Variants in SMARCE1 observed in about 807,000 individuals in gnomAD.
SMARCE1 encodes SWI/SNF related BAF chromatin remodeling complex subunit E1.
In SMARCE1, 13 loss-of-function variants were observed where a neutral mutation model predicts 54.9. That is an observed-to-expected ratio of 0.24 (90% CI 0.15 to 0.38). SMARCE1 has a LOEUF of 0.38. Among genes scored for constraint, SMARCE1 ranks in the 10% least tolerant of loss-of-function variants. SMARCE1 has a pLI of 1.00. For synonymous variants in SMARCE1, 151 were observed against 175.3 expected (o/e 0.86, Z 1.10); for missense variants, 295 against 523.8 (o/e 0.56, Z 4.26).
chr17:40,647,462 C>T (rs1484500635), intron 1 of SMARCE1: 1 of 152,700 alleles, frequency 6.5e-6, no homozygotes, highest in African/African-American at 2.4e-5. Flanking sequence ...CCTGCCTTGC[C>T]CACGGCTTCC....
At chr17:40,646,972 A>G (rs1472267645) in intron 1 of SMARCE1, among the ~76,000 whole-genome samples, 1 of 152,170 alleles carries the variant, frequency 6.6e-6, no homozygotes, top group Non-Finnish European at 1.5e-5. Flanking sequence ...TTCTGCTCAC[A>G]TTAAGGGAGC....
chr17:40,645,784 A>G lies in SMARCE1; in HGVS notation c.7+12T>C, dbSNP rs747498963. The G allele has an allele frequency of 8.5e-7, 1 of 1,175,416 alleles. No homozygotes were observed. Among genetic ancestry groups the G allele is most frequent in the South Asian group, 2.0e-5 (1 of 51,246 alleles). The allele number at this position is 1,175,416 out of a possible 1,614,324, so 72.8% of individuals were successfully genotyped here. ...TTAACATAGATTGATAAATATAAAAATTGAAACTTACTTGACATTTTGGAA... is the reference window on the plus strand; with the variant it reads ...TTAACATAGATTGATAAATATAAAAGTTGAAACTTACTTGACATTTTGGAA... On this transcript the variant is annotated intron_variant, in intron 2 of 10. Coordinates refer to ENST00000348513, the MANE Select transcript of SMARCE1 (RefSeq NM_003079.5).
chr17:40,630,642 A>G, intron 10 of SMARCE1, 72 bp downstream of exon 10: 1 of 1,305,986 alleles, frequency 7.7e-7, no homozygotes, highest in Admixed American at 1.7e-5. Context: ...TGCACTTAGA[A>G]AGAAAAACCT....
At position 40,636,368 on chromosome 17, in the gene SMARCE1, C is replaced by G. The variant is rs374792202; in HGVS notation, c.369+27G>C. 7.5e-6 allele frequency: 12 copies of G among 1,602,148 alleles called. No homozygotes were observed. The African/African-American group carries it at 1.5e-4, about 20-fold the overall frequency. On this transcript the variant is annotated intron_variant, in intron 6 of 10. Transcript: ENST00000348513. ...ATGTTTTATGTACTTTACACATTAT[C>G]TATCCCACTGTGAGCCCCTACCCTA... is the stretch of plus-strand genomic sequence containing the variant.
At chr17:40,646,018 T>G (rs2144016021) in intron 1 of SMARCE1, among the ~76,000 whole-genome samples, 171 bp from the exon 2 acceptor site, 1 of 152,296 alleles carries the variant, frequency 6.6e-6, no homozygotes, top group East Asian at 1.9e-4. Flanking sequence ...TATAGGTCAT[T>G]TGGTTGATTA....
In SMARCE1 at chr17:40,636,113, A is replaced by G; in HGVS notation, c.370-11T>C. The G allele has an allele frequency of 1.9e-6, 3 of 1,586,548 alleles. No homozygotes were observed. The highest frequency in any genetic ancestry group is 2.6e-6 in the Non-Finnish European group (3 of 1,168,634). On this transcript the variant is annotated splice_polypyrimidine_tract_variant and intron_variant, in intron 6 of 10. Transcript: ENST00000348513. ...TTCATTGTACTCTATCTGAAATTCA[A>G]ATGTTTTTTGGTTTTATAATTAACA...
chr17:40,628,825 G>A lies in SMARCE1; in HGVS notation c.1196C>T (p.Pro399Leu), dbSNP rs1397941319. ...ATCTTCTGGTATGGGATCTGTTGGT[G>A]GCTCCTCCACTGTTGCACTGTTGCT... ...SESNSATVEE[P>L]PTDPIPEDEK... is the part of the protein sequence containing the mutation. The change falls in exon 11 of 11, where the codon CCA (proline) becomes CTA (leucine). Residue 399 changes from proline to leucine, a missense_variant. Coordinates refer to ENST00000348513, the MANE Select transcript of SMARCE1 (RefSeq NM_003079.5). 3 of 1,613,600 alleles carry A rather than the reference G, an allele frequency of 1.9e-6. No individual in the cohort carries two copies. Among genetic ancestry groups the A allele is most frequent in the Middle Eastern group, 1.7e-4 (1 of 6,054 alleles).
chr17:40,636,212 G>T, intron 6 of SMARCE1, 110 bp from the exon 7 acceptor site: 2 of 1,195,608 alleles, frequency 1.7e-6, no homozygotes, highest in Non-Finnish European at 2.4e-6. Context: ...AGGGTGTTGG[G>T]ATAATTATCT....
chr17:40,632,489 C>A, intron 7 of SMARCE1, 122 bp from the exon 8 acceptor site: 1 of 771,886 alleles, frequency 1.3e-6, no homozygotes, highest in Non-Finnish European at 2.1e-6. Flanking sequence ...TGGACCTGCC[C>A]AGCGTCATGG....
rs756987870 is a variant in SMARCE1 at position 40,645,854 on chromosome 17, TAAA to T, written c.-45-10_-45-8del. ...TAAGAATGAATCTGAGACACTAAAATAAAAAAAAAAGGAAAAAAAAAAGAGAAT... is the reference window on the plus strand; with the variant it reads ...TAAGAATGAATCTGAGACACTAAAATAAAAAAAGGAAAAAAAAAAGAGAAT... On this transcript the variant is annotated splice_region_variant and splice_polypyrimidine_tract_variant and intron_variant, in intron 1 of 10. Coordinates refer to ENST00000348513, the MANE Select transcript of SMARCE1 (RefSeq NM_003079.5). 1.4e-6 allele frequency: 1 copy of T among 737,142 alleles called. No individual in the cohort carries two copies. Among genetic ancestry groups the T allele is most frequent in the East Asian group, 4.0e-5 (1 of 25,050 alleles). The allele number at this position is 737,142 out of a possible 1,614,324, so 45.7% of individuals were successfully genotyped here. A position where few individuals can be genotyped will look rare whatever the true frequency, so the allele number is the denominator to read the frequency against.
chr17:40,645,540 G>C (rs2144015322), intron 3 of SMARCE1, 36 bp downstream of exon 3: 1 of 1,461,026 alleles, frequency 6.8e-7, no homozygotes, highest in Non-Finnish European at 9.3e-7. Context: ...CAAGGCCAGA[G>C]TTGGCTATTA....
chr17:40,634,233 G>C (rs2037124438), intron 7 of SMARCE1: 2 of 152,578 alleles, frequency 1.3e-5, no homozygotes, highest in Non-Finnish European at 2.9e-5. Context: ...GGGCTCAACT[G>C]ATCCTCCTAC....
chr17:40,635,200 A>G (rs1264623540), intron 7 of SMARCE1: 1 of 151,514 alleles, frequency 6.6e-6, no homozygotes, highest in Non-Finnish European at 1.5e-5. Flanking sequence ...TTGCAGCTAA[A>G]GCTTCTAACC....
chr17:40,629,114 T>C (rs2143981319), intron 10 of SMARCE1, 121 bp from the exon 11 acceptor site: 4 of 746,426 alleles, frequency 5.4e-6, no homozygotes, highest in Non-Finnish European at 8.9e-6. Context: ...ATTAAACCCC[T>C]GAAATGAACC....
At chr17:40,633,891 G>A (rs2037120588) in intron 7 of SMARCE1, 1 of 152,118 alleles carries the variant, frequency 6.6e-6, no homozygotes, top group African/African-American at 2.4e-5. Context: ...ATCTGTTTTT[G>A]TTGTTAGCTT....
chr17:40,628,915 C>G lies in SMARCE1; in HGVS notation c.1106G>C (p.Ser369Thr). The change falls in exon 11 of 11, where the codon AGT becomes ACT. Residue 369 changes from serine (S) to threonine (T), a missense_variant. Physicochemically the swap from Ser to Thr is moderately conservative, Grantham distance 58 (BLOSUM62 1). Around this residue, in one of 5 missense-constraint regions of SMARCE1, gnomAD observed 147 missense variants for 161.4 expected, o/e 0.91. Transcript: ENST00000348513. ...EGTSTPEDKE[S>T]GQEGVDSMAE... The stretch of plus-strand genomic sequence containing the variant: ...CATACTGTCGACCCCCTCCTGCCCA[C>G]TCTCCTTGTCCTCAGGAGTAGACGT... 6.2e-7 allele frequency: 1 copy of G among 1,613,866 alleles called. No individual in the cohort carries two copies. Among genetic ancestry groups the G allele is most frequent in the Non-Finnish European group, 8.5e-7 (1 of 1,179,832 alleles).
At chr17:40,637,826 T>C in intron 4 of SMARCE1, 1 of 477,046 alleles carries the variant, frequency 2.1e-6, no homozygotes, top group South Asian at 2.1e-5. Flanking sequence ...AATAAAATAT[T>C]ACACAGTAAC....
At chr17:40,646,755 ACT>A (rs2144017314) in intron 1 of SMARCE1, among the ~76,000 whole-genome samples, 1 of 152,328 alleles carries the variant, frequency 6.6e-6, no homozygotes, top group East Asian at 1.9e-4. Context: ...AGGCAAATAA[ACT>A]TCTATGACTA....
In SMARCE1 at chr17:40,628,622, C is replaced by T. The variant is rs2037057897; in HGVS notation, c.*163G>A. The T allele has an allele frequency of 1.5e-5, 9 of 587,174 alleles. No individual in the cohort carries two copies. In the East Asian group the frequency reaches 2.6e-4, roughly 17 times the overall value. The allele number at this position is 587,174 out of a possible 1,614,324, so 36.4% of individuals were successfully genotyped here. On this transcript the variant is annotated 3_prime_UTR_variant, in exon 11 of 11. Transcript: ENST00000348513. ...TCTTCACAACACTTAAGAAAGGTGA[C>T]TGACTGAGCCATTAGGCTCATGATG...
Sources: allele counts gnomAD v4.1 joint callset (sites outside exome capture counted in the v4.1 genomes callset), GRCh38; gene constraint gnomAD v4.1.1; regional missense constraint gnomAD v4.1.1; transcripts MANE v1.5; gene names NCBI Gene and HGNC (gene_info 2026-07-23, HGNC 2026-07-21).